SAMD5: variants seen among roughly 807,000 people sequenced by gnomAD.
The protein encoded by SAMD5 is sterile alpha motif domain-containing protein 5.
SAMD5 carries 13 observed loss-of-function variants against 11.3 expected under a neutral mutation model. The observed-to-expected ratio is 1.15, with a 90% confidence interval of 0.75 to 1.83. SAMD5 has a LOEUF of 1.83. Ranked by LOEUF, SAMD5 falls within the 40% of genes most tolerant of loss-of-function variation. The pLI is 0.00. For missense variants in SAMD5, 255 were observed against 239.1 expected, an observed-to-expected ratio of 1.07 and a Z score of -0.44; for synonymous variants, 129 against 111.3, an observed-to-expected ratio of 1.16 and a Z score of -1.00.
At chr6:147,732,900 A>G in intron 1 of SAMD5, among the ~76,000 whole-genome samples, 1 of 152,220 alleles carries the variant, frequency 6.6e-6, no homozygotes, top group East Asian at 1.9e-4. Flanking sequence ...TTCACTCTAA[A>G]TGATACACAG....
At chr6:147,768,407 A>G in the SAMD5 span, among the ~76,000 whole-genome samples, 2 of 152,166 alleles carry the variant, frequency 1.3e-5, no homozygotes, top group Non-Finnish European at 1.5e-5. Flanking sequence ...CTGAGGTAAG[A>G]GAATCACTTG....
rs575968276 is a variant in SAMD5 at position 147,520,944 on chromosome 6, A to G, written c.459+11557A>G. Among the ~76,000 whole-genome samples the G allele has an allele frequency of 2.0e-5, 3 of 152,272 alleles. No homozygotes were observed. In the East Asian group the frequency reaches 5.8e-4, roughly 29 times the overall value. On this transcript the variant is annotated intron_variant, in intron 1 of 1. Coordinates refer to ENST00000367474, the MANE Select transcript of SAMD5 (RefSeq NM_001030060.3). ...TTATTAACTGTAGTTCCCATGCTGTATAATAGATCCCAGAACTTGTTCATC... is the reference window on the plus strand; with the variant it reads ...TTATTAACTGTAGTTCCCATGCTGTGTAATAGATCCCAGAACTTGTTCATC...
At chr6:147,772,242 A>T in the SAMD5 span, among the ~76,000 whole-genome samples, 2 of 152,182 alleles carry the variant, frequency 1.3e-5, no homozygotes, top group Non-Finnish European at 2.9e-5. Context: ...CCTGAGGGGA[A>T]AAGTAGTCTA....
chr6:147,903,411 T>A, the SAMD5 span, among the ~76,000 whole-genome samples: 58 of 152,164 alleles, frequency 3.8e-4, 1 homozygote, highest in Middle Eastern at 0.01. Flanking sequence ...ACACTAGGAC[T>A]AAGGAAATGC....
At chr6:147,883,667 T>C in the SAMD5 span, among the ~76,000 whole-genome samples, 1 of 152,216 alleles carries the variant, frequency 6.6e-6, no homozygotes, top group Non-Finnish European at 1.5e-5. Context: ...CTTTGCACCA[T>C]TAAAATCTTT....
At chr6:147,610,943 T>A (rs942891656) in intron 1 of SAMD5, among the ~76,000 whole-genome samples, 2 of 151,614 alleles carry the variant, frequency 1.3e-5, no homozygotes, top group Non-Finnish European at 2.9e-5. Context: ...GATCTCAGCT[T>A]ACTGCAACCT....
intron 1 of SAMD5, among the ~76,000 whole-genome samples, chr6:147,583,744 G>A (rs1034293501): frequency 3.3e-5 from 5 of 151,824 alleles, no homozygotes; most frequent in Non-Finnish European, 1.5e-5. Flanking sequence ...AATGAACAGC[G>A]GGAGAAATTT....
the SAMD5 span, among the ~76,000 whole-genome samples, chr6:147,852,565 T>A: frequency 6.6e-6 from 1 of 152,220 alleles, no homozygotes; most frequent in Non-Finnish European, 1.5e-5. Context: ...ACTGAATTGA[T>A]TAAATGCAAA....
intron 1 of SAMD5, among the ~76,000 whole-genome samples, chr6:147,598,132 G>C (rs1789559994): frequency 1.4e-5 from 2 of 147,220 alleles, no homozygotes; most frequent in Admixed American, 6.8e-5. Context: ...ATTTGATTTT[G>C]TTTTATTTTT....
the SAMD5 span, among the ~76,000 whole-genome samples, chr6:147,873,058 A>G: frequency 3.3e-5 from 5 of 152,190 alleles, no homozygotes; most frequent in African/African-American, 9.7e-5. Flanking sequence ...ACTCTTAAAT[A>G]TGATGAGAAA....
At chr6:147,582,564 T>C (rs959342171) in intron 1 of SAMD5, among the ~76,000 whole-genome samples, 1 of 152,192 alleles carries the variant, frequency 6.6e-6, no homozygotes, top group African/African-American at 2.4e-5. Flanking sequence ...GGCATGGGGC[T>C]TTAGGAAAGC....
the SAMD5 span, among the ~76,000 whole-genome samples, chr6:147,850,781 G>C: frequency 2.0e-5 from 3 of 151,850 alleles, no homozygotes; most frequent in Non-Finnish European, 2.9e-5. Flanking sequence ...TTTGTCCAGC[G>C]CCTCAGTCCT....
the SAMD5 span, among the ~76,000 whole-genome samples, chr6:147,763,580 T>C: frequency 6.6e-6 from 1 of 151,890 alleles, no homozygotes. Context: ...TGCCACATAG[T>C]GTTTTTTGCA....
At chr6:147,769,073 C>T in the SAMD5 span, among the ~76,000 whole-genome samples, 2 of 152,166 alleles carry the variant, frequency 1.3e-5, no homozygotes, top group Non-Finnish European at 2.9e-5. Flanking sequence ...GGATTCCAGG[C>T]GTGAGCCACC....
intron 1 of SAMD5, among the ~76,000 whole-genome samples, chr6:147,699,197 A>C (rs1423668600): frequency 6.6e-6 from 1 of 152,126 alleles, no homozygotes; most frequent in Non-Finnish European, 1.5e-5. Context: ...AGGCTCCTTG[A>C]CTTGGTATCC....
rs891871131 is a variant in SAMD5 at position 147,658,424 on chromosome 6, T to C, written c.163-78893T>C. ...CAAGATGATGGTTTATTTATTTATT[T>C]ATTCATATATATATTTTAATTTTTA... On this transcript the variant is annotated intron_variant, in intron 1 of 1. Transcript: ENST00000566741. 8.0e-5 allele frequency among the ~76,000 whole-genome samples: 12 copies of C among 149,692 alleles called. No individual in the cohort carries two copies. In the East Asian group the frequency reaches 1.7e-3, roughly 21 times the overall value.
chr6:147,509,433 G>C (rs1272171067), intron 1 of SAMD5, 46 bp downstream of exon 1: 5 of 1,479,700 alleles, frequency 3.4e-6, no homozygotes, highest in Admixed American at 4.8e-5. Flanking sequence ...GGCGGGAGGG[G>C]ACACAGCCCA....
At chr6:147,581,663 G>C (rs547057694) in intron 1 of SAMD5, among the ~76,000 whole-genome samples, 40 of 152,288 alleles carry the variant, frequency 2.6e-4, no homozygotes, top group African/African-American at 8.9e-4. Context: ...GGACTGTAAA[G>C]TATCCATTAG....
intron 1 of SAMD5, among the ~76,000 whole-genome samples, chr6:147,677,792 C>T (rs1006864317): frequency 6.6e-6 from 1 of 152,020 alleles, no homozygotes; most frequent in African/African-American, 2.4e-5. Context: ...AGTAGGGAGC[C>T]TTGTGAATTG....
Sources: gnomAD v4.1 joint callset for allele counts (sites outside exome capture counted in the v4.1 genomes callset) on GRCh38, gnomAD v4.1.1 for gene constraint, MANE v1.5 for transcripts, NCBI Gene and HGNC (gene_info 2026-07-23, HGNC 2026-07-21) for gene names.